Variants in E2F3 observed in about 807,000 individuals in gnomAD.
The protein encoded by E2F3 is E2F transcription factor 3.
In E2F3, 11 loss-of-function variants were observed where a neutral mutation model predicts 44.4. The ratio of observed to expected loss-of-function variants is 0.25; its 90% CI spans 0.16 to 0.41. E2F3 has a LOEUF of 0.41. Among genes scored for constraint, E2F3 ranks in the 10% least tolerant of loss-of-function variants. E2F3 has a pLI of 1.00. For synonymous variants in E2F3, 249 were observed against 253.0 expected (o/e 0.98, Z 0.15); for missense variants, 487 against 583.6 (o/e 0.83, Z 1.70).
At chr6:20,468,347 G>C (rs1187778937) in intron 1 of E2F3, among the ~76,000 whole-genome samples, 2 of 152,198 alleles carry the variant, frequency 1.3e-5, no homozygotes, top group African/African-American at 4.8e-5. Flanking sequence ...CAGTTAATTT[G>C]CTAGAGCAGC....
chr6:20,408,008 CTGAA>C (rs139314981), intron 1 of E2F3, among the ~76,000 whole-genome samples: 3,307 of 152,262 alleles, frequency 0.022, 52 homozygotes, highest in Non-Finnish European at 0.035. Context: ...GGAATCTTCC[CTGAA>C]TTCTTTGAGG....
chr6:20,424,515 G>T (rs1760145472), intron 1 of E2F3, among the ~76,000 whole-genome samples: 1 of 152,078 alleles, frequency 6.6e-6, no homozygotes, highest in South Asian at 2.1e-4. Context: ...TTGTAAAGAA[G>T]CAGCACACTG....
At chr6:20,487,979 T>G in intron 5 of E2F3, 134 bp from the exon 6 acceptor site, 1 of 1,239,828 alleles carries the variant, frequency 8.1e-7, no homozygotes, top group Non-Finnish European at 1.1e-6. Context: ...CAGTCTTTCA[T>G]AGAGTTGGAC....
chr6:20,428,379 T>C (rs1434841520), intron 1 of E2F3, among the ~76,000 whole-genome samples: 2 of 152,126 alleles, frequency 1.3e-5, no homozygotes, highest in African/African-American at 2.4e-5. Context: ...TATGCCACCA[T>C]GCCTGGCTAA....
Position 20,420,834 on chromosome 6 carries a change from T to C in E2F3, c.393+18209T>C, listed in dbSNP as rs143178171. ...ATAAGAAAAAATCAAGTTTTCCACA[T>C]TGATTGACTCTTCCTTTCATAAAAG... On this transcript the variant is annotated intron_variant, in intron 1 of 6. Coordinates refer to ENST00000346618, the MANE Select transcript of E2F3 (RefSeq NM_001949.5). Among the ~76,000 whole-genome samples, 516 of 152,352 alleles carry C rather than the reference T, an allele frequency of 3.4e-3. 2 individuals are homozygous for C. Among genetic ancestry groups the C allele is most frequent in the African/African-American group, 0.012 (500 of 41,578 alleles).
At position 20,488,191 on chromosome 6, in the gene E2F3, C is replaced by G; in HGVS notation, c.1078C>G (p.Pro360Ala). The change falls in exon 6 of 7, where the codon CCA becomes GCA. Residue 360 changes from proline (P) to alanine (A), a missense_variant. Transcript: ENST00000346618. The part of the protein sequence containing the change: ...LCPEETETHS[P>A]MKTNNQDHNG... ...TCCAGAAGAGACTGAAACACACAGT[C>G]CAATGAAAACAAACAACCAAGACCA... is the stretch of plus-strand genomic sequence containing the variant. 6.2e-7 allele frequency: 1 copy of G among 1,611,884 alleles called. No homozygotes were observed. Among genetic ancestry groups the G allele is most frequent in the African/African-American group, 1.3e-5 (1 of 74,908 alleles).
chr6:20,402,690 G>A lies in E2F3; in HGVS notation c.393+65G>A. Reference sequence around the variant, plus strand: ...AGGTGGGCTCGCACCGCGCGGGGTCGTGGGCGCGCTGCGGGCCGCTCGGGG... The same window carrying A: ...AGGTGGGCTCGCACCGCGCGGGGTCATGGGCGCGCTGCGGGCCGCTCGGGG... On this transcript the variant is annotated intron_variant, in intron 1 of 6. Transcript: ENST00000346618. The surrounding 1 kb of genome is among the most constrained non-coding windows in gnomAD (Gnocchi z 5.6). The A allele has an allele frequency of 5.5e-6, 7 of 1,276,142 alleles. No homozygotes were observed. Among genetic ancestry groups the A allele is most frequent in the East Asian group, 3.2e-5 (1 of 31,196 alleles). The allele number at this position is 1,276,142 out of a possible 1,614,324, so 79.1% of individuals were successfully genotyped here.
intron 1 of E2F3, among the ~76,000 whole-genome samples, chr6:20,422,495 GCTAA>G (rs538067669): frequency 6.4e-4 from 98 of 152,278 alleles, no homozygotes; most frequent in Middle Eastern, 3.4e-3. Flanking sequence ...TCACAACCTG[GCTAA>G]CTATTTGGCA....
chr6:20,484,272 T>C (rs534009122), intron 4 of E2F3, among the ~76,000 whole-genome samples: 1 of 152,346 alleles, frequency 6.6e-6, no homozygotes, highest in South Asian at 2.1e-4. Context: ...GGAAGCACTT[T>C]TAAGTTTGTA....
At chr6:20,480,020 T>A (rs1478844388) in intron 2 of E2F3, 63 bp downstream of exon 2, 2 of 1,540,970 alleles carry the variant, frequency 1.3e-6, no homozygotes, top group Non-Finnish European at 8.8e-7. Flanking sequence ...TTTCAAAGCT[T>A]ATGGCCGGAA....
At chr6:20,475,256 A>G (rs150494358) in intron 1 of E2F3, among the ~76,000 whole-genome samples, 63 of 152,370 alleles carry the variant, frequency 4.1e-4, no homozygotes, top group African/African-American at 1.5e-3. Flanking sequence ...AGAGTTACAC[A>G]TGAAGACTAG....
chr6:20,441,499 C>T (rs1760771197), intron 1 of E2F3, among the ~76,000 whole-genome samples: 1 of 152,086 alleles, frequency 6.6e-6, no homozygotes, highest in Admixed American at 6.5e-5. Flanking sequence ...GTTTGAGTCC[C>T]CTTTTAAAAT....
chr6:20,475,543 G>A (rs1288092469), intron 1 of E2F3, among the ~76,000 whole-genome samples: 1 of 152,152 alleles, frequency 6.6e-6, no homozygotes, highest in Non-Finnish European at 1.5e-5. Context: ...TGAGACAAGA[G>A]TCTTTCTCTG....
At chr6:20,465,967 G>C (rs1169955083) in intron 1 of E2F3, among the ~76,000 whole-genome samples, 5 of 152,176 alleles carry the variant, frequency 3.3e-5, no homozygotes, top group African/African-American at 1.2e-4. Flanking sequence ...GTACCCAGTA[G>C]TGGGATTGCT....
intron 1 of E2F3, among the ~76,000 whole-genome samples, chr6:20,425,543 A>G (rs1760187439): frequency 6.6e-6 from 1 of 152,014 alleles, no homozygotes; most frequent in Admixed American, 6.5e-5. Flanking sequence ...CGTACGCCAC[A>G]ATGCCTGGCT....
intron 3 of E2F3, 130 bp downstream of exon 3, chr6:20,481,555 T>G: frequency 1.3e-6 from 1 of 795,620 alleles, no homozygotes; most frequent in Non-Finnish European, 2.0e-6. Flanking sequence ...TTCTTCTCTC[T>G]CATTCTCTCT....
At chr6:20,411,469 C>T (rs1759669620) in intron 1 of E2F3, among the ~76,000 whole-genome samples, 1 of 152,184 alleles carries the variant, frequency 6.6e-6, no homozygotes, top group African/African-American at 2.4e-5. Context: ...TGCCCTCTGC[C>T]TGGCTCTTAG....
In E2F3 at chr6:20,490,330, A is replaced by G. The variant is rs1762520580; in HGVS notation, c.1298A>G (p.Asp433Gly). The change falls in exon 7 of 7, where the codon GAC becomes GGC. Residue 433 changes from aspartate to glycine, a missense_variant. By Grantham distance (94) the Asp-to-Gly change is moderately conservative. Around this residue, in one of 3 missense-constraint regions of E2F3, gnomAD observed 220 missense variants for 261.7 expected, o/e 0.84. Coordinates refer to ENST00000346618, the MANE Select transcript of E2F3 (RefSeq NM_001949.5). The surrounding 1 kb of genome is among the most constrained non-coding windows in gnomAD (Gnocchi z 4.3). Reference protein sequence around the residue: ...VNLLPPLLQEDYLLSLGEEEG... With the variant: ...VNLLPPLLQEGYLLSLGEEEG... ...TTACTGCCTCCCCTGCTGCAAGAGG[A>G]CTATCTCCTGAGCCTCGGGGAGGAG... is the stretch of plus-strand genomic sequence containing the variant. 1 of 1,613,946 alleles carries G rather than the reference A, an allele frequency of 6.2e-7. No individual in the cohort carries two copies.
intron 1 of E2F3, among the ~76,000 whole-genome samples, chr6:20,436,105 C>T (rs531466596): frequency 2.6e-5 from 4 of 151,866 alleles, no homozygotes; most frequent in Admixed American, 1.3e-4. Flanking sequence ...CTCAGCCTCC[C>T]GAGTAGCTGG....
Sources: allele counts gnomAD v4.1 joint callset (sites outside exome capture counted in the v4.1 genomes callset), GRCh38; gene constraint gnomAD v4.1.1; regional missense constraint gnomAD v4.1.1; non-coding constraint Gnocchi (gnomAD v3.1); transcripts MANE v1.5; gene names NCBI Gene and HGNC (gene_info 2026-07-23, HGNC 2026-07-21).